The following ATP8A2 variants were observed in gnomAD, a reference collection of about 807,000 sequenced individuals.
ATP8A2 encodes the protein ATPase phospholipid transporting 8A2, also known as phospholipid-transporting ATPase IB.
In ATP8A2, 100 loss-of-function variants were observed where a neutral mutation model predicts 165.6. The observed-to-expected ratio is 0.60, with a 90% CI of 0.51 to 0.71. The LOEUF (loss-of-function observed/expected upper bound fraction) is 0.71. Ranked by LOEUF, ATP8A2 falls within the 30% of genes least tolerant of loss-of-function variation. The pLI, the probability that ATP8A2 is intolerant of heterozygous loss-of-function variation, is 0.00. For missense variants in ATP8A2, 1,227 were observed against 1,479.5 expected (o/e 0.83, Z 2.80); for synonymous variants, 543 against 548.8 (o/e 0.99, Z 0.15).
At chr13:25,896,219 T>C (rs1953542567) in intron 33 of ATP8A2, among the ~76,000 whole-genome samples, 1 of 152,252 alleles carries the variant, frequency 6.6e-6, no homozygotes, top group Admixed American at 6.5e-5. Flanking sequence ...TCCCAGAGAT[T>C]CTGGTATGCT....
At chr13:25,454,483 A>G (rs1593329806) in intron 1 of ATP8A2, among the ~76,000 whole-genome samples, 2 of 152,080 alleles carry the variant, frequency 1.3e-5, no homozygotes, top group African/African-American at 4.8e-5. Context: ...GAAAGCCTTC[A>G]TGTGGCGACG....
At chr13:25,468,084 A>G (rs1439134265) in intron 1 of ATP8A2, among the ~76,000 whole-genome samples, 1 of 152,100 alleles carries the variant, frequency 6.6e-6, no homozygotes, top group Admixed American at 6.5e-5. Flanking sequence ...TGAGGTTAAG[A>G]TCTACGTGCG....
In ATP8A2 at chr13:25,953,545, A is replaced by ACAAC. The variant is rs1566299781; in HGVS notation, c.3184-8030_3184-8029insCAAC. ...TTTAAAAAAAAAAAAAAAAAAAAAAAAGCAAGGGAAATAGGCAAGACGGCC... is the reference window on the plus strand; with the variant it reads ...TTTAAAAAAAAAAAAAAAAAAAAAAACAACAGCAAGGGAAATAGGCAAGACGGCC... On this transcript the variant is annotated intron_variant, in intron 33 of 36. Transcript: ENST00000381655. This position sits in a 1 kb window ranked among gnomAD's most constrained non-coding sequence, Gnocchi z 6.7. Among the ~76,000 whole-genome samples the ACAAC allele has an allele frequency of 2.2e-4, 27 of 122,794 alleles. No individual in the cohort carries two copies. Among genetic ancestry groups the ACAAC allele is most frequent in the African/African-American group, 3.6e-4 (10 of 27,762 alleles). 80.6% of individuals were successfully genotyped at this position (122,794 alleles called of 152,430 possible). A position where few individuals can be genotyped will look rare whatever the true frequency, so the allele number is the denominator to read the frequency against.
chr13:25,505,469 C>T (rs1248471766), intron 2 of ATP8A2, among the ~76,000 whole-genome samples: 1 of 152,162 alleles, frequency 6.6e-6, no homozygotes, highest in Non-Finnish European at 1.5e-5. Flanking sequence ...AAGTCACCTT[C>T]ACACGTATAA....
Position 25,571,592 on chromosome 13 carries a change from C to A in ATP8A2, c.1580-18C>A. On this transcript the variant is annotated intron_variant, in intron 17 of 36. Coordinates refer to ENST00000381655, the MANE Select transcript of ATP8A2 (RefSeq NM_016529.6). Reference sequence around the variant, plus strand: ...CTACCAGTGATATGTCAATGTTTCACCAACTCCCACTTGACAGATGAAGCT... The same window carrying A: ...CTACCAGTGATATGTCAATGTTTCAACAACTCCCACTTGACAGATGAAGCT... The A allele has an allele frequency of 6.2e-7, 1 of 1,602,112 alleles. No homozygotes were observed. Among genetic ancestry groups the A allele is most frequent in the Non-Finnish European group, 8.5e-7 (1 of 1,170,736 alleles).
chr13:25,842,466 G>A (rs1196535124), intron 30 of ATP8A2, among the ~76,000 whole-genome samples: 3 of 152,122 alleles, frequency 2.0e-5, no homozygotes, highest in Non-Finnish European at 4.4e-5. Flanking sequence ...CCTGACATCA[G>A]TTCGAGACCA....
At chr13:25,562,438 G>A (rs1255825520) in intron 15 of ATP8A2, among the ~76,000 whole-genome samples, 1 of 152,148 alleles carries the variant, frequency 6.6e-6, no homozygotes, top group Admixed American at 6.5e-5. Context: ...GACTGCTAGG[G>A]CTGTGTGTGG....
chr13:25,984,779 G>A (rs908379220), intron 35 of ATP8A2, among the ~76,000 whole-genome samples: 1 of 152,294 alleles, frequency 6.6e-6, no homozygotes, highest in South Asian at 2.1e-4. Flanking sequence ...TATTGAATGA[G>A]ATCCTGTGAG....
intron 33 of ATP8A2, among the ~76,000 whole-genome samples, chr13:25,928,459 T>C (rs915065024): frequency 3.3e-5 from 5 of 152,210 alleles, no homozygotes; most frequent in Non-Finnish European, 7.3e-5. Context: ...AGCCAGTCCC[T>C]TCTATATAGA....
At chr13:25,451,955 C>T (rs541524818) in intron 1 of ATP8A2, among the ~76,000 whole-genome samples, 60 of 151,648 alleles carry the variant, frequency 4.0e-4, no homozygotes, top group East Asian at 1.2e-3. Context: ...CCTGGGTTCG[C>T]GCCATTCTCC....
At chr13:25,759,825 A>G (rs752053112) in intron 25 of ATP8A2, among the ~76,000 whole-genome samples, 2 of 152,174 alleles carry the variant, frequency 1.3e-5, no homozygotes, top group African/African-American at 4.8e-5. Flanking sequence ...AACCCATTCA[A>G]CTTTTACATG....
intron 25 of ATP8A2, among the ~76,000 whole-genome samples, chr13:25,739,331 T>C (rs1169835817): frequency 2.0e-5 from 3 of 152,254 alleles, no homozygotes; most frequent in Admixed American, 1.3e-4. Flanking sequence ...CACCTCATGC[T>C]CTTCTTTGAA....
intron 5 of ATP8A2, 27 bp from the exon 6 acceptor site, chr13:25,533,245 AC>A: frequency 7.9e-7 from 1 of 1,270,604 alleles, no homozygotes; most frequent in Non-Finnish European, 1.1e-6. Context: ...ACCAGTATTA[AC>A]CAATATTTTA....
At chr13:25,513,201 C>G (rs184824162) in intron 2 of ATP8A2, among the ~76,000 whole-genome samples, 4 of 150,318 alleles carry the variant, frequency 2.7e-5, no homozygotes, top group Non-Finnish European at 5.9e-5. Context: ...ACTTCTCAGA[C>G]GGTGCGGTTG....
chr13:25,830,406 T>C (rs1410715466), intron 28 of ATP8A2, among the ~76,000 whole-genome samples: 2 of 152,084 alleles, frequency 1.3e-5, no homozygotes, highest in African/African-American at 4.8e-5. Context: ...GATAGAAAAG[T>C]GTATTTCAAG....
intron 2 of ATP8A2, among the ~76,000 whole-genome samples, chr13:25,519,474 C>A (rs1325092967): frequency 1.3e-5 from 2 of 152,120 alleles, no homozygotes; most frequent in African/African-American, 2.4e-5. Flanking sequence ...GGCTGGCACA[C>A]TGCCCTAGTA....
At chr13:25,657,951 G>C (rs529200900) in intron 24 of ATP8A2, among the ~76,000 whole-genome samples, 79 of 152,264 alleles carry the variant, frequency 5.2e-4, no homozygotes, top group African/African-American at 1.9e-3. Context: ...TGGAGGTAAC[G>C]TTACTTTTGG....
intron 10 of ATP8A2, among the ~76,000 whole-genome samples, chr13:25,545,284 T>C (rs896733175): frequency 6.6e-6 from 1 of 152,106 alleles, no homozygotes; most frequent in Admixed American, 6.5e-5. Context: ...TTAGTGTATC[T>C]GAAGTGTGCC....
chr13:25,909,999 C>G (rs2138987753), intron 33 of ATP8A2, among the ~76,000 whole-genome samples: 1 of 152,254 alleles, frequency 6.6e-6, no homozygotes, highest in South Asian at 2.1e-4. Context: ...CTGAATAATG[C>G]TCCGTCTTGT....
Sources: allele counts gnomAD v4.1 joint callset (sites outside exome capture counted in the v4.1 genomes callset), GRCh38; gene constraint gnomAD v4.1.1; non-coding constraint Gnocchi (gnomAD v3.1); transcripts MANE v1.5; gene names NCBI Gene and HGNC (gene_info 2026-07-23, HGNC 2026-07-21).